The following INPP5A variants were observed in gnomAD, a reference collection of about 807,000 sequenced individuals.
INPP5A encodes 43 kDa inositol polyphosphate 5-phophatase.
In INPP5A, 14 loss-of-function variants were observed where a neutral mutation model predicts 65.2. The ratio of observed to expected loss-of-function variants is 0.21; its 90% CI spans 0.14 to 0.34. The LOEUF (loss-of-function observed/expected upper bound fraction) is 0.34, where lower values mean the gene tolerates loss of function less well. Ranked by LOEUF, INPP5A falls within the 10% of genes least tolerant of loss-of-function variation. The pLI is 1.00. For missense variants in INPP5A, 431 were observed against 545.6 expected (o/e 0.79, Z 2.09); for synonymous variants, 207 against 208.3 (o/e 0.99, Z 0.05).
At chr10:132,672,206 T>TTC (rs1228056393) in intron 4 of INPP5A, among the ~76,000 whole-genome samples, 2 of 152,252 alleles carry the variant, frequency 1.3e-5, no homozygotes, top group East Asian at 3.8e-4. Flanking sequence ...TCCTTTTCCT[T>TTC]TATCATGTGA....
At chr10:132,573,681 TGA>T (rs1215447381) in intron 1 of INPP5A, among the ~76,000 whole-genome samples, 1 of 92,062 alleles carries the variant, frequency 1.1e-5, no homozygotes, top group African/African-American at 5.1e-5. Context: ...GAGGTTTTGT[TGA>T]GATGTTGGGG....
chr10:132,720,436 C>T (rs1340953676), intron 8 of INPP5A, among the ~76,000 whole-genome samples: 7 of 138,196 alleles, frequency 5.1e-5, no homozygotes, highest in East Asian at 4.1e-4. Context: ...TCTGTCTGGG[C>T]GCCTTAGACG....
chr10:132,594,831 A>G (rs2071663589), intron 1 of INPP5A, among the ~76,000 whole-genome samples: 1 of 152,106 alleles, frequency 6.6e-6, no homozygotes, highest in African/African-American at 2.4e-5. Context: ...CCAGCCCTGC[A>G]GGCTGTATGA....
chr10:132,589,155 C>T (rs2071585919), intron 1 of INPP5A, among the ~76,000 whole-genome samples: 1 of 152,236 alleles, frequency 6.6e-6, no homozygotes, highest in Non-Finnish European at 1.5e-5. Context: ...TCCACATCTG[C>T]GCCACGTGCA....
intron 11 of INPP5A, among the ~76,000 whole-genome samples, chr10:132,759,366 C>CATGAGCT (rs3838740): frequency 6.6e-6 from 1 of 151,988 alleles, no homozygotes; most frequent in Non-Finnish European, 1.5e-5. Flanking sequence ...TGAGGCGCCT[C>CATGAGCT]ATGCCAGACA....
Position 132,603,988 on chromosome 10 carries a change from C to G in INPP5A, c.76-3927C>G, listed in dbSNP as rs2071807989. Reference sequence around the variant, plus strand: ...GCCCTGCGCCGTCAGGGTCCCCTCTCCGTCCCGCCCTGTGCCGTCAGGGTC... The same window carrying G: ...GCCCTGCGCCGTCAGGGTCCCCTCTGCGTCCCGCCCTGTGCCGTCAGGGTC... On this transcript the variant is annotated intron_variant, in intron 1 of 15. Coordinates refer to ENST00000368594, the MANE Select transcript of INPP5A (RefSeq NM_005539.5). This position sits in a 1 kb window ranked among gnomAD's most constrained non-coding sequence, Gnocchi z 4.2. 6.6e-6 allele frequency among the ~76,000 whole-genome samples: 1 copy of G among 151,070 alleles called. No homozygotes were observed. Among genetic ancestry groups the G allele is most frequent in the Non-Finnish European group, 1.5e-5 (1 of 67,706 alleles).
chr10:132,629,650 G>C (rs2072238521), intron 2 of INPP5A, among the ~76,000 whole-genome samples: 1 of 152,258 alleles, frequency 6.6e-6, no homozygotes. Context: ...CCTCTGCATT[G>C]TGCGGACAGC....
Position 132,772,897 on chromosome 10 carries a change from C to T in INPP5A, c.978-4774C>T, listed in dbSNP as rs12785131. Among the ~76,000 whole-genome samples the T allele has an allele frequency of 2.6e-3, 237 of 91,832 alleles. 10 individuals carry two copies. The highest frequency in any genetic ancestry group is 3.5e-3 in the South Asian group (9 of 2,570). The allele number at this position is 91,832 out of a possible 152,430, so 60.2% of individuals were successfully genotyped here. A position where few individuals can be genotyped will look rare whatever the true frequency, so the allele number is the denominator to read the frequency against. ...CACGGAGGCCACGGCAGCCGCCCCA[C>T]GAAGAGTGGGACGGACACTCAGCAC... On this transcript the variant is annotated intron_variant, in intron 12 of 15. Coordinates refer to ENST00000368594, the MANE Select transcript of INPP5A (RefSeq NM_005539.5).
At chr10:132,775,722 C>T (rs1847053130) in intron 12 of INPP5A, among the ~76,000 whole-genome samples, 1 of 152,212 alleles carries the variant, frequency 6.6e-6, no homozygotes, top group African/African-American at 2.4e-5. Context: ...CTCTGGCATC[C>T]CTGTTCTCTC....
chr10:132,679,544 C>A (rs2073015820), intron 4 of INPP5A, among the ~76,000 whole-genome samples: 1 of 151,920 alleles, frequency 6.6e-6, no homozygotes, highest in Non-Finnish European at 1.5e-5. Flanking sequence ...TGCTGTTATT[C>A]CCAAGTAGGA....
At chr10:132,567,964 G>A (rs1376962419) in intron 1 of INPP5A, among the ~76,000 whole-genome samples, 2 of 152,010 alleles carry the variant, frequency 1.3e-5, no homozygotes, top group Admixed American at 6.5e-5. Flanking sequence ...AGGCCGAGGC[G>A]GGCGGATCAT....
chr10:132,730,204 C>T (rs76961685), intron 9 of INPP5A, among the ~76,000 whole-genome samples: 2,015 of 152,368 alleles, frequency 0.013, 21 homozygotes, highest in Non-Finnish European at 0.021. Context: ...GCCCTCCCCA[C>T]CACCTCCTGG....
At chr10:132,694,877 A>G (rs1277323875) in intron 5 of INPP5A, among the ~76,000 whole-genome samples, 1 of 152,246 alleles carries the variant, frequency 6.6e-6, no homozygotes, top group Non-Finnish European at 1.5e-5. Flanking sequence ...GCTATTAACA[A>G]CACTGAATAA....
chr10:132,599,396 T>C (rs1384927792), intron 1 of INPP5A, among the ~76,000 whole-genome samples: 1 of 152,242 alleles, frequency 6.6e-6, no homozygotes, highest in Non-Finnish European at 1.5e-5. Flanking sequence ...TGATCTCCTT[T>C]GACTCCTGGT....
At chr10:132,702,266 A>G (rs181996014) in intron 6 of INPP5A, among the ~76,000 whole-genome samples, 22 of 152,234 alleles carry the variant, frequency 1.4e-4, no homozygotes, top group Non-Finnish European at 2.4e-4. Flanking sequence ...AGAATCCTAA[A>G]ACTACAGTTA....
chr10:132,769,067 C>T (rs565504257), intron 12 of INPP5A, among the ~76,000 whole-genome samples: 29 of 152,322 alleles, frequency 1.9e-4, no homozygotes, highest in Admixed American at 9.8e-4. Context: ...GGCGTTGGTG[C>T]GTACACTGGC....
chr10:132,646,300 G>T (rs554485253), intron 3 of INPP5A, among the ~76,000 whole-genome samples: 52 of 152,326 alleles, frequency 3.4e-4, no homozygotes, highest in South Asian at 1.2e-3. Flanking sequence ...GGTGGCCGGG[G>T]TTCACATCCC....
At chr10:132,625,523 A>T (rs2072170865) in intron 2 of INPP5A, among the ~76,000 whole-genome samples, 1 of 152,062 alleles carries the variant, frequency 6.6e-6, no homozygotes, top group African/African-American at 2.4e-5. Context: ...TGAGACTAGG[A>T]GGGGAGGCTT....
intron 11 of INPP5A, among the ~76,000 whole-genome samples, chr10:132,758,689 A>G (rs1013729008): frequency 2.6e-4 from 39 of 152,156 alleles, no homozygotes; most frequent in African/African-American, 9.2e-4. Flanking sequence ...CTGTTTTCCT[A>G]TTGTCATGGA....
Sources: allele counts gnomAD v4.1 joint callset (sites outside exome capture counted in the v4.1 genomes callset), GRCh38; gene constraint gnomAD v4.1.1; non-coding constraint Gnocchi (gnomAD v3.1); transcripts MANE v1.5; gene names NCBI Gene and HGNC (gene_info 2026-07-23, HGNC 2026-07-21).